DOCK7: variants seen among roughly 807,000 people sequenced by gnomAD.
The protein encoded by DOCK7 is dedicator of cytokinesis 7.
A neutral mutation model predicts 271.0 loss-of-function variants in DOCK7; 138 were observed. The ratio of observed to expected loss-of-function variants is 0.51; its 90% CI spans 0.44 to 0.59. The LOEUF is 0.59. Ranked by LOEUF, DOCK7 falls within the 20% of genes least tolerant of loss-of-function variation. The pLI, the probability that DOCK7 is intolerant of heterozygous loss-of-function variation, is 0.00. For synonymous variants in DOCK7, 823 were observed against 876.1 expected (o/e 0.94, Z 1.07); for missense variants, 2,066 against 2,592.4 (o/e 0.80, Z 4.41).
chr1:62,582,659 C>T, intron 16 of DOCK7, among the ~76,000 whole-genome samples: 1 of 140,992 alleles, frequency 7.1e-6, no homozygotes. Context: ...ACAATAACAT[C>T]AATTTGTGAT....
intron 14 of DOCK7, chr1:62,604,485 G>C (rs1650652276): frequency 1.1e-6 from 1 of 937,390 alleles, no homozygotes; most frequent in African/African-American, 1.7e-5. Context: ...TTTAAAATTG[G>C]GACTTATACA....
At chr1:62,474,944 T>C (rs1400844047) in intron 47 of DOCK7, among the ~76,000 whole-genome samples, 6 of 152,186 alleles carry the variant, frequency 3.9e-5, no homozygotes, top group Non-Finnish European at 7.4e-5. Context: ...TCTAACATAG[T>C]AGAGGTTCGC....
intron 16 of DOCK7, among the ~76,000 whole-genome samples, chr1:62,579,216 A>G (rs940830793): frequency 2.0e-5 from 3 of 152,150 alleles, no homozygotes; most frequent in African/African-American, 7.2e-5. Context: ...TTAAAAGTTC[A>G]TTAATAATCA....
intron 14 of DOCK7, among the ~76,000 whole-genome samples, chr1:62,588,421 C>T (rs1016285608): frequency 2.6e-5 from 4 of 152,156 alleles, no homozygotes; most frequent in Admixed American, 2.6e-4. Flanking sequence ...GTGGGGAAGT[C>T]TTTTCATTTA....
intron 41 of DOCK7, among the ~76,000 whole-genome samples, chr1:62,489,835 G>C (rs1432974948): frequency 6.6e-6 from 1 of 152,048 alleles, no homozygotes; most frequent in African/African-American, 2.4e-5. Flanking sequence ...ATAGCATCCT[G>C]GGACATAAAA....
At chr1:62,672,757 ATAAAG>A (rs1660152543) in intron 1 of DOCK7, among the ~76,000 whole-genome samples, 1 of 152,166 alleles carries the variant, frequency 6.6e-6, no homozygotes, top group Non-Finnish European at 1.5e-5. Context: ...CATTTCAAAA[ATAAAG>A]TAACTTGCCC....
chr1:62,588,603 T>C (rs1647920785), intron 14 of DOCK7, among the ~76,000 whole-genome samples: 1 of 152,202 alleles, frequency 6.6e-6, no homozygotes, highest in Admixed American at 6.5e-5. Flanking sequence ...TAGTCATATT[T>C]AGGTTAGAAT....
At chr1:62,480,259 C>A (rs928369390) in intron 43 of DOCK7, among the ~76,000 whole-genome samples, 3 of 152,130 alleles carry the variant, frequency 2.0e-5, no homozygotes, top group Non-Finnish European at 4.4e-5. Context: ...TCAATGTCAC[C>A]TTCAATCTGA....
At chr1:62,506,119 G>A (rs564225668) in intron 35 of DOCK7, among the ~76,000 whole-genome samples, 5 of 152,094 alleles carry the variant, frequency 3.3e-5, no homozygotes, top group African/African-American at 7.2e-5. Flanking sequence ...ATTGACTTGA[G>A]GTTCATGTAG....
intron 11 of DOCK7, among the ~76,000 whole-genome samples, 182 bp downstream of exon 11, chr1:62,631,058 A>T (rs1654566894): frequency 6.6e-6 from 1 of 151,858 alleles, no homozygotes; most frequent in South Asian, 2.1e-4. Flanking sequence ...GGTGGCGCAC[A>T]TCTGTAATCT....
intron 1 of DOCK7, among the ~76,000 whole-genome samples, chr1:62,668,855 G>T (rs1659609890): frequency 6.6e-6 from 1 of 151,218 alleles, no homozygotes; most frequent in East Asian, 1.9e-4. Context: ...AGCCCAGGAG[G>T]TCAAGGCTAT....
At chr1:62,579,392 A>C (rs1483554309) in intron 16 of DOCK7, among the ~76,000 whole-genome samples, 1 of 152,048 alleles carries the variant, frequency 6.6e-6, no homozygotes, top group Non-Finnish European at 1.5e-5. Context: ...ATCCTTTTGT[A>C]AAAAAATGGG....
rs536539653 is a variant in DOCK7, at chr1:62,635,131, C to T, written c.886-209G>A. 649 of 359,966 alleles carry T rather than the reference C, an allele frequency of 1.8e-3. 1 individual carries two copies. Among genetic ancestry groups the T allele is most frequent in the Middle Eastern group, 2.4e-3 (3 of 1,242 alleles). 22.3% of individuals were successfully genotyped at this position (359,966 alleles called of 1,614,324 possible). A position where few individuals can be genotyped will look rare whatever the true frequency, so the allele number is the denominator to read the frequency against. Reference sequence around the variant, plus strand: ...TTAAAAACATTCATGTTAAATAATTCTCAAAAAAATTACTTATTTATCTAC... The same window carrying T: ...TTAAAAACATTCATGTTAAATAATTTTCAAAAAAATTACTTATTTATCTAC... On this transcript the variant is annotated intron_variant, in intron 8 of 49. Coordinates refer to ENST00000635253, the MANE Select transcript of DOCK7 (RefSeq NM_001367561.1).
intron 1 of DOCK7, among the ~76,000 whole-genome samples, chr1:62,673,493 C>A (rs1660225403): frequency 6.6e-6 from 1 of 151,996 alleles, no homozygotes; most frequent in South Asian, 2.1e-4. Context: ...GAAAAGAATT[C>A]AAAAATTTAG....
intron 1 of DOCK7, among the ~76,000 whole-genome samples, chr1:62,683,447 T>G (rs984867111): frequency 3.3e-5 from 5 of 152,176 alleles, no homozygotes; most frequent in Middle Eastern, 3.2e-3. Flanking sequence ...GAAATCCCAC[T>G]CATGTAAGAT....
At chr1:62,571,676 G>T (rs1354068869) in intron 18 of DOCK7, among the ~76,000 whole-genome samples, 1 of 152,114 alleles carries the variant, frequency 6.6e-6, no homozygotes, top group Non-Finnish European at 1.5e-5. Flanking sequence ...TGATAGACTG[G>T]ATAAAGAAAA....
intron 30 of DOCK7, 72 bp downstream of exon 30, chr1:62,529,203 ATC>A: frequency 7.3e-7 from 1 of 1,363,562 alleles, no homozygotes; most frequent in East Asian, 2.4e-5. Flanking sequence ...TAAGATCTTC[ATC>A]CTTGAGATAT....
intron 37 of DOCK7, among the ~76,000 whole-genome samples, chr1:62,503,863 T>G (rs1391602412): frequency 6.6e-6 from 1 of 151,974 alleles, no homozygotes; most frequent in Non-Finnish European, 1.5e-5. Context: ...CTGGCTAACA[T>G]GGTGAAACCC....
chr1:62,602,435 G>T, intron 14 of DOCK7: 1 of 1,493,066 alleles, frequency 6.7e-7, no homozygotes, highest in Non-Finnish European at 9.3e-7. Flanking sequence ...AATATTTACT[G>T]AGAACCTCTT....
Sources: gnomAD v4.1 joint callset for allele counts (sites outside exome capture counted in the v4.1 genomes callset) on GRCh38, gnomAD v4.1.1 for gene constraint, MANE v1.5 for transcripts, NCBI Gene and HGNC (gene_info 2026-07-23, HGNC 2026-07-21) for gene names.